Variants in L3MBTL1 observed in about 807,000 individuals in gnomAD.
The protein encoded by L3MBTL1 is lethal(3)malignant brain tumor-like protein 1.
L3MBTL1 carries 75 observed loss-of-function variants against 105.3 expected under a neutral mutation model. The observed-to-expected ratio is 0.71, with a 90% confidence interval of 0.59 to 0.86. The LOEUF (loss-of-function observed/expected upper bound fraction) is 0.86. Among genes scored for constraint, L3MBTL1 ranks in the 40% least tolerant of loss-of-function variants. The probability of loss-of-function intolerance (pLI) is 0.00; values close to 1 mark genes in which losing one functional copy is unlikely to be tolerated. For synonymous variants in L3MBTL1, 452 were observed against 436.2 expected (o/e 1.04, Z -0.45); for missense variants, 1,069 against 1,126.4 (o/e 0.95, Z 0.73).
At chr20:43,510,406 C>CTTTTTTTTTTTTT (rs11476429) in intron 1 of L3MBTL1, among the ~76,000 whole-genome samples, 1 of 127,566 alleles carries the variant, frequency 7.8e-6, no homozygotes, top group Admixed American at 8.6e-5. Context: ...TTCTTTCTTT[C>CTTTTTTTTTTTTT]TTTTTTTTTT....
intron 7 of L3MBTL1, among the ~76,000 whole-genome samples, chr20:43,518,025 T>G (rs182210110): frequency 6.6e-6 from 1 of 152,328 alleles, no homozygotes; most frequent in Admixed American, 6.5e-5. Flanking sequence ...CTACTGTATC[T>G]TACTTAGATA....
At chr20:43,546,683 T>C (rs6030950), downstream of L3MBTL1, among the ~76,000 whole-genome samples, 121,268 of 152,068 alleles carry the variant, frequency 0.8, 48,503 homozygotes, top group East Asian at 0.92. Context: ...CATTCTATCC[T>C]GTCCTCCACA....
In L3MBTL1 at chr20:43,535,941, G is replaced by T; in HGVS notation, c.1925+5G>T. 2 of 1,608,862 alleles carry T rather than the reference G, an allele frequency of 1.2e-6. No homozygotes were observed. Among genetic ancestry groups the T allele is most frequent in the Non-Finnish European group, 1.7e-6 (2 of 1,176,040 alleles). On this transcript the variant is annotated splice_donor_5th_base_variant and intron_variant, in intron 17 of 21. Transcript: ENST00000418998. ...CAAATACAGCTTTCACCACCGGTGA[G>T]TGAAGGTTCCTGGTGAGAGACCCTC...
At chr20:43,544,458 A>G (rs1600970925), downstream of L3MBTL1, among the ~76,000 whole-genome samples, 1 of 151,888 alleles carries the variant, frequency 6.6e-6, no homozygotes, top group South Asian at 2.1e-4. Context: ...TGATCATATG[A>G]CTCAAAACTC....
At position 43,540,164 on chromosome 20, in the gene L3MBTL1, T is replaced by C. The variant is rs2019840688; in HGVS notation, c.2187T>C (p.Asp729=). The C allele has an allele frequency of 6.2e-7, 1 of 1,612,586 alleles. No individual in the cohort carries two copies. Residue 729 remains aspartate (D), a synonymous_variant, in exon 20 of 22, where the codon GAT becomes GAC. Transcript: ENST00000418998. ...PQEDFQTLTP[D]VVHQSLFMSA... is the part of the protein sequence containing the mutation. ...TCTGCTTTCCAGCCCTCACGCCCGA[T>C]GTCGTGCACCAGTCCCTCTTCATGT... is the stretch of plus-strand genomic sequence containing the variant.
Position 43,510,820 on chromosome 20 carries a change from C to T in L3MBTL1, c.-28-2656C>T, listed in dbSNP as rs1010226863. Among the ~76,000 whole-genome samples, 10 of 151,996 alleles carry T rather than the reference C, an allele frequency of 6.6e-5. No homozygotes were observed. In the South Asian group the frequency reaches 1.9e-3, roughly 28 times the overall value. On this transcript the variant is annotated intron_variant, in intron 1 of 21. Transcript: ENST00000418998. Reference sequence around the variant, plus strand: ...GCAGCCTTGACCTCCCGGGCTCAAGCAATCCTCCTGCCTCAGCCTCTGGAG... The same window carrying T: ...GCAGCCTTGACCTCCCGGGCTCAAGTAATCCTCCTGCCTCAGCCTCTGGAG...
Position 43,530,368 on chromosome 20 carries a change from C to G in L3MBTL1, c.1141C>G (p.His381Asp). Reference sequence around the variant, plus strand: ...GGTCAATGCCAACTCCCCTGACATTCACCCTGCTGGCTGGTTCGAGAAGAC... The same window carrying G: ...GGTCAATGCCAACTCCCCTGACATTGACCCTGCTGGCTGGTTCGAGAAGAC... ...FWVNANSPDI[H>D]PAGWFEKTGH... is the part of the protein sequence containing the mutation. The change falls in exon 10 of 22, where the codon CAC becomes GAC. Residue 381 changes from histidine (H) to aspartate (D), a missense_variant. Physicochemically the swap from His to Asp is moderately conservative, Grantham distance 81. Transcript: ENST00000418998. 6.2e-7 allele frequency: 1 copy of G among 1,614,206 alleles called. No homozygotes were observed. The highest frequency in any genetic ancestry group is 8.5e-7 in the Non-Finnish European group (1 of 1,180,030).
At chr20:43,519,587 G>A (rs1483723727) in intron 7 of L3MBTL1, among the ~76,000 whole-genome samples, 2 of 152,234 alleles carry the variant, frequency 1.3e-5, no homozygotes, top group East Asian at 3.8e-4. Context: ...AGTGAGTTGA[G>A]ATCGTGCCAT....
At chr20:43,530,937 T>G in intron 11 of L3MBTL1, 48 bp downstream of exon 11, 1 of 1,490,946 alleles carries the variant, frequency 6.7e-7, no homozygotes, top group South Asian at 1.2e-5. Context: ...GTGCCAGAGT[T>G]CACTGCAGCT....
rs2018211187 is a variant in L3MBTL1 at position 43,513,911 on chromosome 20, G to A, written c.210G>A (p.Val70=). 2.6e-6 allele frequency: 4 copies of A among 1,550,414 alleles called. No individual in the cohort carries two copies. Among genetic ancestry groups the A allele is most frequent in the South Asian group, 2.4e-5 (2 of 84,072 alleles). The stretch of plus-strand genomic sequence containing the variant: ...GCTTTCCCCGGGAGCCAATCCATGT[G>A]GGTGCCCCGGAGCAAGTGGCCGGCT... ...VSCFPREPIH[V]GAPEQVAGCE... Residue 70 remains valine, a synonymous_variant, in exon 3 of 22, where the codon GTG becomes GTA. Transcript: ENST00000418998.
At chr20:43,514,493 A>C in intron 3 of L3MBTL1, 142 bp from the exon 4 acceptor site, 9 of 1,536,872 alleles carry the variant, frequency 5.9e-6, no homozygotes, top group Non-Finnish European at 7.9e-6. Context: ...TGTAGCTTGG[A>C]GTGAGGCCCC....
downstream of L3MBTL1, among the ~76,000 whole-genome samples, chr20:43,543,315 C>T (rs1022798917): frequency 1.3e-5 from 2 of 152,202 alleles, no homozygotes; most frequent in Non-Finnish European, 2.9e-5. Flanking sequence ...GGCAGAACCA[C>T]GTGGCACGCT....
At chr20:43,548,930 C>G (rs1418785029) in exon 19 of L3MBTL1, 2 of 152,244 alleles carry the variant, frequency 1.3e-5, no homozygotes, top group East Asian at 1.9e-4. Flanking sequence ...CCTGAACTTA[C>G]CCAGTTCTGG....
rs1330670480 is a variant in L3MBTL1 at position 43,536,896 on chromosome 20, C to G, written c.2173+438C>G. 3.9e-5 allele frequency among the ~76,000 whole-genome samples: 6 copies of G among 152,326 alleles called. No individual in the cohort carries two copies. The East Asian group carries it at 9.6e-4, about 24-fold the overall frequency. ...AAACCTGCCTTTCCATTGTCAATACCTGAAATAACAGTGGTTACTACCACT... is the reference window on the plus strand; with the variant it reads ...AAACCTGCCTTTCCATTGTCAATACGTGAAATAACAGTGGTTACTACCACT... On this transcript the variant is annotated intron_variant, in intron 19 of 21. Transcript: ENST00000418998.
At chr20:43,510,992 G>A (rs1568916141) in intron 1 of L3MBTL1, among the ~76,000 whole-genome samples, 1 of 152,206 alleles carries the variant, frequency 6.6e-6, no homozygotes, top group African/African-American at 2.4e-5. Flanking sequence ...CAGAGTACTG[G>A]GATTACAGGT....
chr20:43,529,238 G>A lies in L3MBTL1; in HGVS notation c.952-26G>A, dbSNP rs538486223. 3 of 1,562,542 alleles carry A rather than the reference G, an allele frequency of 1.9e-6. No homozygotes were observed. The South Asian group carries it at 3.5e-5, about 18-fold the overall frequency. On this transcript the variant is annotated intron_variant, in intron 8 of 21. Transcript: ENST00000418998. ...AAGGATAAGGCTGGATGGAAGCTGG[G>A]TCCTCTCCACTCTGTGCGTTGACAG... is the stretch of plus-strand genomic sequence containing the variant.
rs770545404 is a variant in L3MBTL1, at chr20:43,515,189, C to CTCTA, written c.653+31_653+34dup. On this transcript the variant is annotated intron_variant, in intron 5 of 21. Coordinates refer to ENST00000418998, the MANE Select transcript of L3MBTL1 (RefSeq NM_001377303.1). ...GGGGAGGAGGTCGCAGCCCTACTTG[C>CTCTA]TCTACCTTCAGCCCCCAAAGCCTCA... 7 of 1,614,094 alleles carry CTCTA rather than the reference C, an allele frequency of 4.3e-6. No homozygotes were observed. The South Asian group carries it at 6.6e-5, about 15-fold the overall frequency.
intron 11 of L3MBTL1, chr20:43,532,080 C>T (rs896207514): frequency 6.6e-6 from 1 of 152,362 alleles, no homozygotes; most frequent in South Asian, 2.1e-4. Context: ...TCCCTGGGCC[C>T]AGGACTCCAC....
chr20:43,523,537 G>A (rs1021004313), intron 7 of L3MBTL1: 5 of 264,914 alleles, frequency 1.9e-5, no homozygotes, highest in African/African-American at 9.1e-5. Context: ...ACCCAAACCA[G>A]TGCAAAGGCA....
Sources: gnomAD v4.1 joint callset for allele counts (sites outside exome capture counted in the v4.1 genomes callset) on GRCh38, gnomAD v4.1.1 for gene constraint, MANE v1.5 for transcripts, NCBI Gene and HGNC (gene_info 2026-07-23, HGNC 2026-07-21) for gene names.